EXOC6B: variants seen among roughly 807,000 people sequenced by gnomAD.
EXOC6B encodes the protein SEC15 homolog B.
EXOC6B carries 54 observed loss-of-function variants against 113.5 expected under a neutral mutation model. The observed-to-expected ratio is 0.48, with a 90% CI of 0.38 to 0.60. The LOEUF (loss-of-function observed/expected upper bound fraction) is 0.60. Among genes scored for constraint, EXOC6B ranks in the 20% least tolerant of loss-of-function variants. The pLI is 0.00. For missense variants in EXOC6B, 797 were observed against 977.5 expected (o/e 0.82, Z 2.46); for synonymous variants, 357 against 339.0 (o/e 1.05, Z -0.58).
intron 19 of EXOC6B, among the ~76,000 whole-genome samples, chr2:72,337,423 A>T (rs1361913248): frequency 6.6e-6 from 1 of 152,130 alleles, no homozygotes; most frequent in African/African-American, 2.4e-5. Context: ...CTGCCATCCT[A>T]TATATGTCCA....
At chr2:72,263,752 T>C (rs1273382915) in intron 20 of EXOC6B, among the ~76,000 whole-genome samples, 2 of 152,186 alleles carry the variant, frequency 1.3e-5, no homozygotes, top group Non-Finnish European at 2.9e-5. Context: ...TAGAAGATGA[T>C]AAAGTCACAG....
intron 2 of EXOC6B, among the ~76,000 whole-genome samples, chr2:72,738,766 A>G (rs1681120649): frequency 6.6e-6 from 1 of 152,230 alleles, no homozygotes; most frequent in Non-Finnish European, 1.5e-5. Context: ...ACTTGAGGAC[A>G]GGAGTTCAAG....
At chr2:72,248,980 A>T (rs1291745991) in intron 20 of EXOC6B, among the ~76,000 whole-genome samples, 1 of 152,218 alleles carries the variant, frequency 6.6e-6, no homozygotes, top group East Asian at 1.9e-4. Flanking sequence ...AGAGGCAAAC[A>T]AGGCTGGGTG....
In EXOC6B at chr2:72,766,525, C is replaced by T. The variant is rs569081682; in HGVS notation, c.114-25056G>A. On this transcript the variant is annotated intron_variant, in intron 1 of 21. Coordinates refer to ENST00000272427, the MANE Select transcript of EXOC6B (RefSeq NM_015189.3). ...ACAAGAAAAAAGGAAAAGAACAAAA[C>T]ACATGAGAAGATGGAGAATTTCACT... Among the ~76,000 whole-genome samples the T allele has an allele frequency of 4.2e-3, 642 of 152,146 alleles. 2 individuals carry two copies. The highest frequency in any genetic ancestry group is 7.3e-3 in the Non-Finnish European group (498 of 67,982).
chr2:72,777,034 A>C (rs1254839923), intron 1 of EXOC6B, among the ~76,000 whole-genome samples: 1 of 152,158 alleles, frequency 6.6e-6, no homozygotes, highest in South Asian at 2.1e-4. Context: ...TGAGGTCAGG[A>C]GTTCAAGACC....
intron 20 of EXOC6B, among the ~76,000 whole-genome samples, chr2:72,294,451 T>C (rs983463836): frequency 5.9e-5 from 9 of 152,090 alleles, no homozygotes; most frequent in Non-Finnish European, 1.0e-4. Flanking sequence ...CCCAGCTAAT[T>C]TTTGTTTTCC....
At chr2:72,584,747 C>T (rs531627279) in intron 6 of EXOC6B, among the ~76,000 whole-genome samples, 2 of 152,300 alleles carry the variant, frequency 1.3e-5, no homozygotes, top group Admixed American at 6.5e-5. Flanking sequence ...AGATTGATCA[C>T]ATTGTTGGCC....
At chr2:72,517,042 C>T (rs1043477471) in intron 8 of EXOC6B, among the ~76,000 whole-genome samples, 1 of 152,004 alleles carries the variant, frequency 6.6e-6, no homozygotes, top group Non-Finnish European at 1.5e-5. Context: ...TTGGGAAAGT[C>T]GACTTAAGGT....
chr2:72,817,856 T>A lies in EXOC6B; in HGVS notation c.113+7942A>T, dbSNP rs189161280. ...ACCTCCTCCCTATTACCATATTGCATGCCATAACCATCTCTTGCCTCTTAT... is the reference window on the plus strand; with the variant it reads ...ACCTCCTCCCTATTACCATATTGCAAGCCATAACCATCTCTTGCCTCTTAT... On this transcript the variant is annotated intron_variant, in intron 1 of 21. Transcript: ENST00000272427. 1.5e-3 allele frequency among the ~76,000 whole-genome samples: 223 copies of A among 152,336 alleles called. 1 individual carries two copies. The highest frequency in any genetic ancestry group is 5.1e-3 in the African/African-American group (210 of 41,572).
At chr2:72,641,289 G>C (rs1290532191) in intron 6 of EXOC6B, among the ~76,000 whole-genome samples, 2 of 152,238 alleles carry the variant, frequency 1.3e-5, no homozygotes. Flanking sequence ...CAAGGGGTCA[G>C]GGGATTTCCC....
At chr2:72,776,858 T>C (rs1172730805) in intron 1 of EXOC6B, among the ~76,000 whole-genome samples, 2 of 152,120 alleles carry the variant, frequency 1.3e-5, no homozygotes, top group Non-Finnish European at 2.9e-5. Flanking sequence ...ATGAAGAATA[T>C]GAATATATAC....
At chr2:72,713,840 C>T (rs1679426312) in intron 6 of EXOC6B, among the ~76,000 whole-genome samples, 1 of 152,154 alleles carries the variant, frequency 6.6e-6, no homozygotes, top group Non-Finnish European at 1.5e-5. Flanking sequence ...TATATGATAG[C>T]AGGTTATAGC....
chr2:72,782,452 C>A lies in EXOC6B; in HGVS notation c.114-40983G>T, dbSNP rs573317001. Among the ~76,000 whole-genome samples the A allele has an allele frequency of 3.3e-5, 5 of 152,124 alleles. No homozygotes were observed. In the East Asian group the frequency reaches 5.8e-4, roughly 18 times the overall value. ...GGAAAATGTGTGATATTTTGTTACACGTATAGACTGTGTAATGATTAAGTC... is the reference window on the plus strand; with the variant it reads ...GGAAAATGTGTGATATTTTGTTACAAGTATAGACTGTGTAATGATTAAGTC... On this transcript the variant is annotated intron_variant, in intron 1 of 21. Transcript: ENST00000272427.
intron 18 of EXOC6B, among the ~76,000 whole-genome samples, chr2:72,395,241 G>C (rs1440424891): frequency 6.6e-6 from 1 of 151,960 alleles, no homozygotes; most frequent in Non-Finnish European, 1.5e-5. Context: ...AAGTGGGCTT[G>C]GAAAAAACAC....
chr2:72,232,238 G>A (rs1681669998), intron 20 of EXOC6B, among the ~76,000 whole-genome samples: 1 of 152,104 alleles, frequency 6.6e-6, no homozygotes, highest in South Asian at 2.1e-4. Context: ...GCCTCCCAAA[G>A]TGCTGGTATT....
At chr2:72,725,610 T>C (rs1680251865) in intron 5 of EXOC6B, among the ~76,000 whole-genome samples, 1 of 152,182 alleles carries the variant, frequency 6.6e-6, no homozygotes, top group African/African-American at 2.4e-5. Flanking sequence ...CAGGCTGGTC[T>C]CAAACTCCTG....
At chr2:72,537,718 C>T (rs961783829) in intron 8 of EXOC6B, among the ~76,000 whole-genome samples, 35 of 152,004 alleles carry the variant, frequency 2.3e-4, no homozygotes, top group Admixed American at 2.0e-4. Flanking sequence ...GATATAAGCA[C>T]GAAGATTTCT....
intron 1 of EXOC6B, among the ~76,000 whole-genome samples, chr2:72,800,862 T>C (rs1685236723): frequency 6.6e-6 from 1 of 152,238 alleles, no homozygotes; most frequent in African/African-American, 2.4e-5. Context: ...CAAGATGATG[T>C]ACACTCTATC....
At chr2:72,773,115 A>ATTTTT (rs1683493598) in intron 1 of EXOC6B, among the ~76,000 whole-genome samples, 1 of 118,258 alleles carries the variant, frequency 8.5e-6, no homozygotes, top group African/African-American at 3.7e-5. Context: ...TAGACCTTAG[A>ATTTTT]TTTTCTTTTT....
Sources: allele counts gnomAD v4.1 joint callset (sites outside exome capture counted in the v4.1 genomes callset), GRCh38; gene constraint gnomAD v4.1.1; transcripts MANE v1.5; gene names NCBI Gene and HGNC (gene_info 2026-07-23, HGNC 2026-07-21).